The following LPP variants were observed in gnomAD, a reference collection of about 807,000 sequenced individuals.
LPP encodes LIM domain containing preferred translocation partner in lipoma.
LPP carries 38 observed loss-of-function variants against 60.4 expected under a neutral mutation model. That is an observed-to-expected ratio of 0.63 (90% CI 0.49 to 0.83). The LOEUF is 0.83. LPP is among the 40% of genes least tolerant of loss of function. The pLI is 0.00. For missense variants in LPP, 902 were observed against 783.6 expected, an observed-to-expected ratio of 1.15 and a Z score of -1.80; for synonymous variants, 328 against 290.8, an observed-to-expected ratio of 1.13 and a Z score of -1.30.
chr3:188,727,015 G>GCAAGGAAGTCAGTTATT (rs1208437638), intron 8 of LPP, among the ~76,000 whole-genome samples: 8 of 152,116 alleles, frequency 5.3e-5, no homozygotes, highest in African/African-American at 9.7e-5. Context: ...CTTCAGCCGA[G>GCAAGGAAGTCAGTTATT]CAAGGAAGTC....
At chr3:188,181,596 A>G (rs970513926) in intron 1 of LPP, among the ~76,000 whole-genome samples, 1 of 152,198 alleles carries the variant, frequency 6.6e-6, no homozygotes, top group Non-Finnish European at 1.5e-5. Flanking sequence ...TAGAAAAATT[A>G]TTTCTCGCTA....
chr3:188,845,298 T>C (rs1348708663), intron 9 of LPP, among the ~76,000 whole-genome samples: 1 of 152,210 alleles, frequency 6.6e-6, no homozygotes, highest in African/African-American at 2.4e-5. Flanking sequence ...CTTGAGATTC[T>C]GCGGTCAAGG....
intron 6 of LPP, among the ~76,000 whole-genome samples, chr3:188,538,232 A>T (rs1049960491): frequency 6.6e-6 from 1 of 152,222 alleles, no homozygotes; most frequent in African/African-American, 2.4e-5. Context: ...GAATTAACCA[A>T]ATTTGTGCTT....
At chr3:188,406,083 A>AT in intron 3 of LPP, 29 bp from the exon 4 acceptor site, 1 of 1,588,336 alleles carries the variant, frequency 6.3e-7, no homozygotes, top group African/African-American at 1.3e-5. Flanking sequence ...TCATGCTTCC[A>AT]TAAAAACAGT....
chr3:188,795,721 C>T (rs1006343340), intron 9 of LPP, among the ~76,000 whole-genome samples: 2 of 152,182 alleles, frequency 1.3e-5, no homozygotes, highest in Admixed American at 6.5e-5. Context: ...TCATCATCAT[C>T]GTCATCAGCT....
intron 6 of LPP, among the ~76,000 whole-genome samples, chr3:188,595,240 T>C (rs1266558145): frequency 6.6e-6 from 1 of 152,196 alleles, no homozygotes; most frequent in Non-Finnish European, 1.5e-5. Context: ...TTTCAGTACT[T>C]GTTGTCCTAA....
chr3:188,574,796 A>G (rs1013306357), intron 6 of LPP, among the ~76,000 whole-genome samples: 1 of 152,078 alleles, frequency 6.6e-6, no homozygotes, highest in African/African-American at 2.4e-5. Flanking sequence ...ATCTTCAGAT[A>G]TCTTTTCTAA....
chr3:188,407,790 T>TTTTTTTTTTTTTTTTTTTTTG (rs1560364521), intron 4 of LPP, among the ~76,000 whole-genome samples: 10 of 76,316 alleles, frequency 1.3e-4, no homozygotes, highest in Admixed American at 3.2e-4. Context: ...GTTTGTTTGT[T>TTTTTTTTTTTTTTTTTTTTTG]TTTTTTTTTT....
At chr3:188,407,787 T>TTTTG (rs775435868) in intron 4 of LPP, among the ~76,000 whole-genome samples, 2 of 100,294 alleles carry the variant, frequency 2.0e-5, no homozygotes, top group Non-Finnish European at 2.0e-5. Context: ...TTTGTTTGTT[T>TTTTG]GTTTTTTTTT....
intron 8 of LPP, 133 bp downstream of exon 8, chr3:188,708,526 G>T: frequency 1.7e-6 from 2 of 1,149,130 alleles, no homozygotes; most frequent in Non-Finnish European, 2.6e-6. Flanking sequence ...ATACATCCCC[G>T]CACAACTAAG....
intron 7 of LPP, among the ~76,000 whole-genome samples, chr3:188,677,222 G>A (rs1319568130): frequency 6.6e-6 from 1 of 152,134 alleles, no homozygotes; most frequent in Non-Finnish European, 1.5e-5. Flanking sequence ...GATAATAAAT[G>A]TATGTTGTTT....
intron 5 of LPP, among the ~76,000 whole-genome samples, chr3:188,504,585 A>T (rs1560490673): frequency 6.6e-6 from 1 of 152,080 alleles, no homozygotes; most frequent in African/African-American, 2.4e-5. Context: ...CCCAAGGTTT[A>T]CTGTTACCGT....
intron 4 of LPP, among the ~76,000 whole-genome samples, chr3:188,434,370 T>C (rs1791784255): frequency 1.3e-5 from 2 of 152,176 alleles, no homozygotes; most frequent in African/African-American, 2.4e-5. Flanking sequence ...TTCTATTCAA[T>C]TTCATTACAA....
chr3:188,873,960 C>G (rs1441050655), intron 11 of LPP, among the ~76,000 whole-genome samples: 2 of 152,028 alleles, frequency 1.3e-5, no homozygotes, highest in Non-Finnish European at 2.9e-5. Flanking sequence ...TTGAGAGATC[C>G]TTAAACTAAT....
intron 6 of LPP, among the ~76,000 whole-genome samples, chr3:188,556,003 C>T (rs866457644): frequency 6.6e-6 from 1 of 152,036 alleles, no homozygotes; most frequent in Non-Finnish European, 1.5e-5. Flanking sequence ...ATGCAAAGGA[C>T]AGTGGTGTCC....
intron 4 of LPP, among the ~76,000 whole-genome samples, chr3:188,428,530 T>A (rs1486611098): frequency 1.3e-5 from 2 of 151,888 alleles, no homozygotes; most frequent in East Asian, 3.9e-4. Flanking sequence ...AAATTTCCAG[T>A]CTTGGGTCTC....
At chr3:188,189,057 T>C (rs1019068805) in intron 1 of LPP, among the ~76,000 whole-genome samples, 2 of 152,180 alleles carry the variant, frequency 1.3e-5, no homozygotes, top group African/African-American at 4.8e-5. Flanking sequence ...TCTCACAGCT[T>C]GGAGAGGATG....
At chr3:188,839,181 G>A (rs1759279327) in intron 9 of LPP, among the ~76,000 whole-genome samples, 1 of 152,134 alleles carries the variant, frequency 6.6e-6, no homozygotes, top group South Asian at 2.1e-4. Flanking sequence ...CCTACAAGTA[G>A]GGAAAGGCAT....
At chr3:188,704,128 A>G (rs1210046680) in intron 7 of LPP, among the ~76,000 whole-genome samples, 3 of 152,098 alleles carry the variant, frequency 2.0e-5, no homozygotes, top group African/African-American at 4.8e-5. Context: ...GAAAAAATGC[A>G]TGGCACTTGG....
Sources: allele counts gnomAD v4.1 joint callset (sites outside exome capture counted in the v4.1 genomes callset), GRCh38; gene constraint gnomAD v4.1.1; transcripts MANE v1.5; gene names NCBI Gene and HGNC (gene_info 2026-07-23, HGNC 2026-07-21).